Variants in PEAK1 observed in about 807,000 individuals in gnomAD.
PEAK1 encodes the protein inactive tyrosine-protein kinase PEAK1.
Under a neutral mutation model 124.7 loss-of-function variants are expected in PEAK1, and 54 were observed. The observed-to-expected ratio is 0.43, with a 90% CI of 0.35 to 0.54. The LOEUF (loss-of-function observed/expected upper bound fraction) is 0.54. PEAK1 is among the 20% of genes least tolerant of loss of function. PEAK1 has a pLI of 0.01. For synonymous variants in PEAK1, 719 were observed against 760.0 expected, an observed-to-expected ratio of 0.95 and a Z score of 0.89; for missense variants, 2,046 against 2,134.5, an observed-to-expected ratio of 0.96 and a Z score of 0.82.
intron 1 of PEAK1, among the ~76,000 whole-genome samples, chr15:77,386,027 T>A (rs1355887990): frequency 6.6e-6 from 1 of 152,198 alleles, no homozygotes; most frequent in African/African-American, 2.4e-5. Flanking sequence ...ACTATTTTCA[T>A]AGAACTGCTA....
intron 2 of PEAK1, chr15:77,347,900 G>C: frequency 1.0e-6 from 1 of 983,702 alleles, no homozygotes; most frequent in Non-Finnish European, 1.2e-6. Context: ...TAAAAAAAAA[G>C]TAGCTCACCT....
intron 2 of PEAK1, among the ~76,000 whole-genome samples, chr15:77,312,961 T>C (rs563334063): frequency 2.2e-4 from 33 of 152,330 alleles, no homozygotes; most frequent in Non-Finnish European, 4.1e-4. Flanking sequence ...ATATTTGGCT[T>C]ATCAGAAGCC....
downstream of PEAK1, chr15:77,104,024 A>G (rs2050722047): frequency 6.6e-6 from 1 of 152,424 alleles, no homozygotes; most frequent in Non-Finnish European, 1.5e-5. Flanking sequence ...ATTGGAGCAA[A>G]CACCCATAGG....
chr15:77,375,091 C>T (rs1188183122), intron 1 of PEAK1, among the ~76,000 whole-genome samples: 2 of 152,196 alleles, frequency 1.3e-5, no homozygotes, highest in East Asian at 3.9e-4. Flanking sequence ...GTTATTAGCA[C>T]TAACATGAAT....
rs1321468533 is a variant in PEAK1 at position 77,178,803 on chromosome 15, T to C, written c.3124A>G (p.Lys1042Glu). ...TATTTTACATACCTGAGAATCTTTT[T>C]AGGAATCTGTGATGGAGAAGAATGA... Reference protein sequence around the residue: ...RSHSSPSQIPKKILSHMTHEV... With the variant: ...RSHSSPSQIPEKILSHMTHEV... Residue 1042 changes from lysine (K) to glutamate (E), a missense_variant, in exon 7 of 10, where the codon AAA becomes GAA. Coordinates refer to ENST00000682557, the MANE Select transcript of PEAK1 (RefSeq NM_001385026.1). The C allele has an allele frequency of 1.2e-6, 2 of 1,612,850 alleles. No individual in the cohort carries two copies. Among genetic ancestry groups the C allele is most frequent in the East Asian group, 2.2e-5 (1 of 44,858 alleles).
chr15:77,250,362 T>C (rs2060822354), intron 6 of PEAK1, among the ~76,000 whole-genome samples: 1 of 151,258 alleles, frequency 6.6e-6, no homozygotes, highest in Non-Finnish European at 1.5e-5. Context: ...TTCTCCTGCC[T>C]CAGCCTCCTG....
chr15:77,215,912 ATTTAT>A (rs1354049816), intron 6 of PEAK1, among the ~76,000 whole-genome samples: 1 of 19,854 alleles, frequency 5.0e-5, no homozygotes, highest in Admixed American at 4.9e-4. Flanking sequence ...TATATTTTAT[ATTTAT>A]ATTTATATTT....
At chr15:77,231,146 G>A (rs993357247) in intron 6 of PEAK1, among the ~76,000 whole-genome samples, 42 of 151,926 alleles carry the variant, frequency 2.8e-4, no homozygotes, top group African/African-American at 9.9e-4. Context: ...GTGATATGAG[G>A]TACTTGAAAA....
chr15:77,324,289 G>GC (rs1410696381), intron 2 of PEAK1, among the ~76,000 whole-genome samples: 5 of 152,066 alleles, frequency 3.3e-5, no homozygotes, highest in Admixed American at 1.3e-4. Flanking sequence ...GACCAGCATG[G>GC]CCCACATGGT....
intron 6 of PEAK1, among the ~76,000 whole-genome samples, chr15:77,191,474 T>G (rs779129860): frequency 1.1e-4 from 16 of 152,190 alleles, no homozygotes; most frequent in Non-Finnish European, 2.1e-4. Flanking sequence ...TTAACTATGC[T>G]TAGGTTAGAC....
Position 77,247,654 on chromosome 15 carries a change from G to GT in PEAK1, c.-115+4712dup, listed in dbSNP as rs1450239055. Among the ~76,000 whole-genome samples the GT allele has an allele frequency of 1.1e-4, 17 of 151,124 alleles. No individual in the cohort carries two copies. In the East Asian group the frequency reaches 2.9e-3, roughly 26 times the overall value. ...CCGCACCTGGCTAATTTTTTTATTT[G>GT]TTTTTTCAGTAGAGACAGGATTTCA... On this transcript the variant is annotated intron_variant, in intron 6 of 9. Coordinates refer to ENST00000682557, the MANE Select transcript of PEAK1 (RefSeq NM_001385026.1).
chr15:77,337,189 G>GCT, intron 2 of PEAK1: 2 of 984,860 alleles, frequency 2.0e-6, no homozygotes, highest in Non-Finnish European at 2.4e-6. Flanking sequence ...AGCAGGTAGA[G>GCT]GAGTAAAAGA....
intron 2 of PEAK1, among the ~76,000 whole-genome samples, chr15:77,304,065 A>G (rs1303101818): frequency 6.6e-6 from 1 of 152,202 alleles, no homozygotes; most frequent in African/African-American, 2.4e-5. Flanking sequence ...TCTTTCACCA[A>G]CACCATAGTA....
At chr15:77,275,095 C>T (rs1347809350) in intron 5 of PEAK1, among the ~76,000 whole-genome samples, 2 of 152,094 alleles carry the variant, frequency 1.3e-5, no homozygotes, top group East Asian at 1.9e-4. Context: ...TGTTCTCACT[C>T]ATAAGTGGAA....
intron 1 of PEAK1, among the ~76,000 whole-genome samples, chr15:77,382,843 G>A (rs573768736): frequency 1.3e-5 from 2 of 152,050 alleles, no homozygotes; most frequent in Non-Finnish European, 2.9e-5. Flanking sequence ...TTTCCATACC[G>A]GGCTCAATGA....
downstream of PEAK1, chr15:77,105,149 G>C (rs2050734710): frequency 1.3e-5 from 2 of 152,228 alleles, no homozygotes; most frequent in Admixed American, 1.3e-4. Context: ...GGGTGGTCCT[G>C]GTGGGGAAAA....
chr15:77,151,005 T>C (rs1216066555), intron 8 of PEAK1, among the ~76,000 whole-genome samples: 1 of 152,158 alleles, frequency 6.6e-6, no homozygotes, highest in Non-Finnish European at 1.5e-5. Context: ...CAGCATGATT[T>C]ATAATCCTTT....
At chr15:77,158,091 T>C (rs1035274339) in intron 8 of PEAK1, 3 of 161,076 alleles carry the variant, frequency 1.9e-5, no homozygotes, top group African/African-American at 7.2e-5. Flanking sequence ...GATTGGAATA[T>C]TCTTTCTCCC....
intron 8 of PEAK1, among the ~76,000 whole-genome samples, chr15:77,154,891 C>T (rs1310955312): frequency 1.3e-5 from 2 of 151,990 alleles, no homozygotes; most frequent in Non-Finnish European, 2.9e-5. Flanking sequence ...GTGGGTAACC[C>T]GACCTTTCTC....
Sources: gnomAD v4.1 joint callset for allele counts (sites outside exome capture counted in the v4.1 genomes callset) on GRCh38, gnomAD v4.1.1 for gene constraint, MANE v1.5 for transcripts, NCBI Gene and HGNC (gene_info 2026-07-23, HGNC 2026-07-21) for gene names.